The following TMCO4 variants were observed in gnomAD, a reference collection of about 807,000 sequenced individuals.
TMCO4 encodes the protein transmembrane and coiled-coil domain-containing protein 4.
A neutral mutation model predicts 64.7 loss-of-function variants in TMCO4; 58 were observed. That is an observed-to-expected ratio of 0.90 (90% CI 0.73 to 1.12). The LOEUF (loss-of-function observed/expected upper bound fraction) is 1.12, where lower values mean the gene tolerates loss of function less well. Ranked by LOEUF, TMCO4 falls within the 50% of genes most tolerant of loss-of-function variation. TMCO4 has a pLI of 0.00. For synonymous variants in TMCO4, 325 were observed against 346.1 expected (o/e 0.94, Z 0.68); for missense variants, 780 against 825.9 (o/e 0.94, Z 0.68).
intron 13 of TMCO4, among the ~76,000 whole-genome samples, chr1:19,712,619 CAA>C (rs35058157): frequency 1.3e-4 from 12 of 91,558 alleles, no homozygotes; most frequent in Admixed American, 1.1e-4. Flanking sequence ...GACTCCGTCT[CAA>C]AAAAAAAAAA....
intron 4 of TMCO4, among the ~76,000 whole-genome samples, chr1:19,772,997 C>T (rs930748378): frequency 4.6e-5 from 7 of 152,116 alleles, no homozygotes; most frequent in Non-Finnish European, 5.9e-5. Flanking sequence ...CGAGACCAGC[C>T]TGGCCAACAT....
chr1:19,777,202 G>T (rs2043247955), intron 4 of TMCO4, among the ~76,000 whole-genome samples: 1 of 152,158 alleles, frequency 6.6e-6, no homozygotes, highest in South Asian at 2.1e-4. Context: ...CCTGACGGGA[G>T]ACTTGGGGAG....
At chr1:19,762,607 C>A (rs1350265048) in intron 6 of TMCO4, among the ~76,000 whole-genome samples, 2 of 152,252 alleles carry the variant, frequency 1.3e-5, no homozygotes, top group Non-Finnish European at 2.9e-5. Context: ...CATTATCGAA[C>A]ACTCTTATGC....
intron 7 of TMCO4, among the ~76,000 whole-genome samples, chr1:19,747,838 T>C (rs924073582): frequency 1.9e-4 from 29 of 152,138 alleles, no homozygotes; most frequent in African/African-American, 6.8e-4. Flanking sequence ...TGAGAACTGC[T>C]GTTGTGAGCA....
chr1:19,688,897 G>A (rs1231211429), intron 15 of TMCO4, among the ~76,000 whole-genome samples: 1 of 152,172 alleles, frequency 6.6e-6, no homozygotes, highest in Non-Finnish European at 1.5e-5. Flanking sequence ...ATCTTGCCGT[G>A]GGTTGGATCT....
chr1:19,753,655 A>C (rs1223509073), intron 7 of TMCO4, among the ~76,000 whole-genome samples: 2 of 152,104 alleles, frequency 1.3e-5, no homozygotes, highest in East Asian at 1.9e-4. Context: ...AAAAAAGAAA[A>C]TGTGTGCTGG....
Position 19,776,581 on chromosome 1 carries a change from T to C in TMCO4, c.179+3999A>G, listed in dbSNP as rs140783457. ...AGACCAACCAATATTTGCTTGGTAG[T>C]AGTTTGGTGTCAGGTTCTGCAAGGG... is the stretch of plus-strand genomic sequence containing the variant. On this transcript the variant is annotated intron_variant, in intron 4 of 15. Transcript: ENST00000294543. Among the ~76,000 whole-genome samples, 536 of 152,310 alleles carry C rather than the reference T, an allele frequency of 3.5e-3. 5 individuals are homozygous for C. Among genetic ancestry groups the C allele is most frequent in the South Asian group, 0.016 (78 of 4,826 alleles).
intron 15 of TMCO4, among the ~76,000 whole-genome samples, chr1:19,689,451 G>C (rs952328441): frequency 2.6e-5 from 4 of 152,192 alleles, no homozygotes; most frequent in African/African-American, 9.7e-5. Flanking sequence ...TTAAAGGAGG[G>C]CCTACTATGC....
At chr1:19,707,916 C>T (rs909268687) in intron 13 of TMCO4, among the ~76,000 whole-genome samples, 5 of 152,208 alleles carry the variant, frequency 3.3e-5, no homozygotes, top group Admixed American at 6.5e-5. Context: ...GTGTGACACA[C>T]CTTTAAGCAA....
rs147589240 is a variant in TMCO4 at position 19,696,738 on chromosome 1, G to T, written c.1383-2187C>A. On this transcript the variant is annotated intron_variant, in intron 14 of 15. Coordinates refer to ENST00000294543, the MANE Select transcript of TMCO4 (RefSeq NM_181719.7). ...AGCTGGGTATAAATGAGCAAAGACA[G>T]CATCATTCCTCCAAAATTATTTCTG... Among the ~76,000 whole-genome samples the T allele has an allele frequency of 7.3e-4, 111 of 152,264 alleles. 1 individual carries two copies. In the East Asian group the frequency reaches 0.021, roughly 29 times the overall value.
At position 19,743,441 on chromosome 1, in the gene TMCO4, C is replaced by G. The variant is rs189383264; in HGVS notation, c.877+2091G>C. ...TCAGGTGATGATAAGGCTTCTTTTC[C>G]TGGCTCTCGAGGAGGTAGGAATATG... On this transcript the variant is annotated intron_variant, in intron 10 of 15. Transcript: ENST00000294543. This position sits in a 1 kb window ranked among gnomAD's most constrained non-coding sequence, Gnocchi z 4.1. Among the ~76,000 whole-genome samples, 332 of 152,278 alleles carry G rather than the reference C, an allele frequency of 2.2e-3. No individual in the cohort carries two copies. Among genetic ancestry groups the G allele is most frequent in the African/African-American group, 7.6e-3 (315 of 41,546 alleles).
At chr1:19,724,139 A>G (rs550854889) in intron 13 of TMCO4, among the ~76,000 whole-genome samples, 28 of 152,058 alleles carry the variant, frequency 1.8e-4, no homozygotes, top group Admixed American at 3.3e-4. Flanking sequence ...TCTGTAACTC[A>G]CTCCCCTGAG....
intron 14 of TMCO4, 34 bp from the exon 15 acceptor site, chr1:19,694,585 C>T (rs1485979481): frequency 6.2e-7 from 1 of 1,602,044 alleles, no homozygotes; most frequent in Non-Finnish European, 8.5e-7. Context: ...TGAACATTAG[C>T]ACCAGCCTCG....
intron 2 of TMCO4, among the ~76,000 whole-genome samples, chr1:19,795,987 C>T (rs572569587): frequency 4.6e-5 from 7 of 152,344 alleles, no homozygotes; most frequent in South Asian, 2.1e-4. Context: ...TTCCAGCCCA[C>T]GCTGGGATAC....
chr1:19,687,201 C>G (rs187420763), intron 15 of TMCO4, among the ~76,000 whole-genome samples: 101 of 152,322 alleles, frequency 6.6e-4, no homozygotes, highest in Non-Finnish European at 1.2e-3. Context: ...ATCCGCCTTC[C>G]TTGGCCTCCC....
In TMCO4 at chr1:19,745,596, C is replaced by CA. The variant is rs1349222776; in HGVS notation, c.812dup (p.Thr272AspfsTer36). ...TGATGTGCAGCTGCCTGCCCTCCGTCAGAGGCAGAAACGTGAACTCTTCAA... is the reference window on the plus strand; with the variant it reads ...TGATGTGCAGCTGCCTGCCCTCCGTCAAGAGGCAGAAACGTGAACTCTTCAA... On this transcript the variant is annotated frameshift_variant, in exon 10 of 16. Coordinates refer to ENST00000294543, the MANE Select transcript of TMCO4 (RefSeq NM_181719.7). LOFTEE classifies it high-confidence loss of function. 6.2e-7 allele frequency: 1 copy of CA among 1,614,124 alleles called. No individual in the cohort carries two copies. The highest frequency in any genetic ancestry group is 8.5e-7 in the Non-Finnish European group (1 of 1,180,010).
intron 13 of TMCO4, among the ~76,000 whole-genome samples, chr1:19,705,351 T>TGA (rs958181687): frequency 6.6e-6 from 1 of 151,914 alleles, no homozygotes; most frequent in Non-Finnish European, 1.5e-5. Context: ...CTCGGAAGGC[T>TGA]GAGGTAGGGG....
At chr1:19,792,736 C>T (rs1317704224) in intron 2 of TMCO4, among the ~76,000 whole-genome samples, 3 of 147,718 alleles carry the variant, frequency 2.0e-5, no homozygotes, top group African/African-American at 7.5e-5. Context: ...TCTTTTCCCC[C>T]TTGGAGCAGT....
intron 13 of TMCO4, among the ~76,000 whole-genome samples, chr1:19,720,685 C>G (rs146722164): frequency 1.1e-4 from 16 of 151,876 alleles, no homozygotes; most frequent in Admixed American, 8.5e-4. Context: ...AACAAAAGAT[C>G]GAAAAAATAA....
Sources: gnomAD v4.1 joint callset for allele counts (sites outside exome capture counted in the v4.1 genomes callset) on GRCh38, gnomAD v4.1.1 for gene constraint, Gnocchi (gnomAD v3.1) non-coding constraint, MANE v1.5 for transcripts, NCBI Gene and HGNC (gene_info 2026-07-23, HGNC 2026-07-21) for gene names.